The following PLCE1 variants were observed in gnomAD, a reference collection of about 807,000 sequenced individuals.
PLCE1 encodes the protein 1-phosphatidylinositol 4,5-bisphosphate phosphodiesterase epsilon-1.
In PLCE1, 119 loss-of-function variants were observed where a neutral mutation model predicts 242.8. The observed-to-expected ratio is 0.49, with a 90% CI of 0.42 to 0.57. The LOEUF is 0.57. Among genes scored for constraint, PLCE1 ranks in the 20% least tolerant of loss-of-function variants. PLCE1 has a pLI of 0.00. For missense variants in PLCE1, 2,441 were observed against 2,788.8 expected, an observed-to-expected ratio of 0.88 and a Z score of 2.81; for synonymous variants, 945 against 1,017.4, an observed-to-expected ratio of 0.93 and a Z score of 1.35.
At chr10:94,167,351 A>G (rs2047838481) in intron 3 of PLCE1, among the ~76,000 whole-genome samples, 1 of 152,064 alleles carries the variant, frequency 6.6e-6, no homozygotes, top group Non-Finnish European at 1.5e-5. Flanking sequence ...TTTAACCATA[A>G]CAATTTTATC....
Position 94,031,133 on chromosome 10 carries a change from T to A in PLCE1, c.87T>A (p.Ser29Arg). The A allele has an allele frequency of 6.2e-7, 1 of 1,613,800 alleles. No homozygotes were observed. Among genetic ancestry groups the A allele is most frequent in the Non-Finnish European group, 8.5e-7 (1 of 1,179,824 alleles). The stretch of plus-strand genomic sequence containing the variant: ...CTGCCCAGTCGGCTGCAGATGAAAG[T>A]AGTGAAAAGGTCTCAGACATCAATA... ...VVSAQSAADE[S>R]SEKVSDINIS... The change falls in exon 2 of 33, where the codon AGT (serine) becomes AGA (arginine). Residue 29 changes from serine (S) to arginine (R), a missense_variant. Around this residue, in one of 5 missense-constraint regions of PLCE1, gnomAD observed 393 missense variants for 378.5 expected, o/e 1.04. Coordinates refer to ENST00000371380, the MANE Select transcript of PLCE1 (RefSeq NM_016341.4).
chr10:94,174,731 C>T (rs764200633), intron 4 of PLCE1, among the ~76,000 whole-genome samples: 5 of 152,130 alleles, frequency 3.3e-5, no homozygotes, highest in Non-Finnish European at 5.9e-5. Context: ...ACATTCTACT[C>T]TTCAAAAGCA....
chr10:94,209,486 G>C (rs2860745), intron 4 of PLCE1, among the ~76,000 whole-genome samples: 2,338 of 152,186 alleles, frequency 0.015, 30 homozygotes, highest in East Asian at 0.077. Context: ...AGCAAAACTT[G>C]CTTTGCAGAT....
At chr10:94,324,313 G>A (rs1464650683) in intron 30 of PLCE1, 36 bp from the exon 31 acceptor site, 1 of 1,506,858 alleles carries the variant, frequency 6.6e-7, no homozygotes, top group South Asian at 1.1e-5. Context: ...TGGAGATTCT[G>A]TGTCTTTATT....
chr10:94,240,485 A>G (rs891327049), intron 7 of PLCE1, among the ~76,000 whole-genome samples: 1 of 152,172 alleles, frequency 6.6e-6, no homozygotes, highest in Non-Finnish European at 1.5e-5. Flanking sequence ...TCCAGAAGAG[A>G]GCATTAAAAA....
At chr10:94,089,256 G>C (rs370123674) in intron 2 of PLCE1, 30 of 1,614,050 alleles carry the variant, frequency 1.9e-5, no homozygotes, top group Non-Finnish European at 2.5e-5. Context: ...CAGGCTGTCA[G>C]CTGTGGCTTT....
intron 22 of PLCE1, among the ~76,000 whole-genome samples, chr10:94,291,799 T>C (rs1196968556): frequency 1.3e-5 from 2 of 152,162 alleles, no homozygotes; most frequent in Non-Finnish European, 2.9e-5. Flanking sequence ...AATGTTGTTA[T>C]CGGTAAGTGA....
rs1317856330 is a variant in PLCE1 at position 94,254,925 on chromosome 10, C to A, written c.3430C>A (p.Leu1144Ile). The change falls in exon 11 of 33, where the codon CTC becomes ATC. Residue 1144 changes from leucine to isoleucine, a missense_variant. Physicochemically the swap from Leu to Ile is conservative, Grantham distance 5 (BLOSUM62 2). Coordinates refer to ENST00000371380, the MANE Select transcript of PLCE1 (RefSeq NM_016341.4). Reference sequence around the variant, plus strand: ...TGCCATCGCTAACCCTCCAAACCCCCTCCCTTCCAGAAGAGCCCACTCTTT... The same window carrying A: ...TGCCATCGCTAACCCTCCAAACCCCATCCCTTCCAGAAGAGCCCACTCTTT... ...VNAIANPPNP[L>I]PSRRAHSLTT... is the part of the protein sequence containing the mutation. 2 of 1,613,998 alleles carry A rather than the reference C, an allele frequency of 1.2e-6. No homozygotes were observed. Among genetic ancestry groups the A allele is most frequent in the Non-Finnish European group, 1.7e-6 (2 of 1,179,996 alleles).
intron 2 of PLCE1, among the ~76,000 whole-genome samples, chr10:94,106,855 T>C (rs1349922514): frequency 6.7e-6 from 1 of 149,996 alleles, no homozygotes; most frequent in Non-Finnish European, 1.5e-5. Context: ...CTTCCCCTGC[T>C]GCCCCATAAT....
intron 22 of PLCE1, among the ~76,000 whole-genome samples, chr10:94,290,528 C>A (rs2052608335): frequency 6.6e-6 from 1 of 151,734 alleles, no homozygotes; most frequent in Non-Finnish European, 1.5e-5. Context: ...TCACCAATAT[C>A]ATTGTCTTCC....
intron 2 of PLCE1, among the ~76,000 whole-genome samples, chr10:94,117,758 A>G (rs1379450477): frequency 6.6e-6 from 1 of 152,226 alleles, no homozygotes; most frequent in Non-Finnish European, 1.5e-5. Context: ...TCACACCTGC[A>G]TTGTGTCCTT....
chr10:94,141,527 AAGGGAAGGTGAAGGGAAGG>A (rs2046956156), intron 3 of PLCE1, among the ~76,000 whole-genome samples: 11 of 126,688 alleles, frequency 8.7e-5, no homozygotes, highest in African/African-American at 2.6e-4. Context: ...AGGGAAGGCT[AAGGGAAGGTGAAGGGAAGG>A]CTAAGGGAAG....
intron 2 of PLCE1, among the ~76,000 whole-genome samples, chr10:94,061,071 G>A (rs529577136): frequency 6.6e-6 from 1 of 152,210 alleles, no homozygotes; most frequent in East Asian, 1.9e-4. Context: ...GTACTGTACT[G>A]CCTCCCAGGG....
At chr10:94,038,526 C>T (rs1196817111) in intron 2 of PLCE1, among the ~76,000 whole-genome samples, 1 of 152,152 alleles carries the variant, frequency 6.6e-6, no homozygotes, top group Non-Finnish European at 1.5e-5. Flanking sequence ...CCAAACCCTT[C>T]CTTCTTATTT....
intron 3 of PLCE1, among the ~76,000 whole-genome samples, chr10:94,142,275 G>T (rs193180249): frequency 6.0e-4 from 91 of 152,064 alleles, no homozygotes; most frequent in Non-Finnish European, 1.0e-3. Context: ...TCTGTACTCT[G>T]GGAGGCAAAG....
chr10:94,166,998 A>T (rs778176948), intron 3 of PLCE1, among the ~76,000 whole-genome samples: 11 of 152,162 alleles, frequency 7.2e-5, no homozygotes, highest in Admixed American at 2.0e-4. Context: ...TAGTTAAGAT[A>T]TGCTATGTGG....
chr10:94,166,028 T>C (rs1479199709), intron 3 of PLCE1, among the ~76,000 whole-genome samples: 1 of 152,172 alleles, frequency 6.6e-6, no homozygotes, highest in African/African-American at 2.4e-5. Context: ...TTTTCAAAAG[T>C]ACTGTTATAT....
intron 4 of PLCE1, among the ~76,000 whole-genome samples, chr10:94,211,137 T>C (rs564137166): frequency 6.6e-6 from 1 of 152,376 alleles, no homozygotes; most frequent in South Asian, 2.1e-4. Context: ...TTCTCCCTTT[T>C]GTTCCTTGGC....
intron 23 of PLCE1, among the ~76,000 whole-genome samples, chr10:94,296,085 G>T (rs560899040): frequency 6.6e-6 from 1 of 152,118 alleles, no homozygotes; most frequent in Non-Finnish European, 1.5e-5. Flanking sequence ...TTGTTTGGCC[G>T]GGTGTGGTGG....
Sources: gnomAD v4.1 joint callset for allele counts (sites outside exome capture counted in the v4.1 genomes callset) on GRCh38, gnomAD v4.1.1 for gene constraint, gnomAD v4.1.1 regional missense constraint, MANE v1.5 for transcripts, NCBI Gene and HGNC (gene_info 2026-07-23, HGNC 2026-07-21) for gene names.